The following DAB2IP variants were observed in gnomAD, a reference collection of about 807,000 sequenced individuals.
The protein encoded by DAB2IP is DAB2 interacting protein, also known as disabled homolog 2-interacting protein.
In DAB2IP, 28 loss-of-function variants were observed where a neutral mutation model predicts 107.2. That is an observed-to-expected ratio of 0.26 (90% CI 0.19 to 0.36). The LOEUF (loss-of-function observed/expected upper bound fraction) is 0.36. Ranked by LOEUF, DAB2IP falls within the 10% of genes least tolerant of loss-of-function variation. The pLI, the probability that DAB2IP is intolerant of heterozygous loss-of-function variation, is 1.00. For missense variants in DAB2IP, 1,400 were observed against 1,644.7 expected (o/e 0.85, Z 2.57); for synonymous variants, 755 against 706.4 (o/e 1.07, Z -1.09).
chr9:121,766,539 G>A (rs1332758766), exon 9 of DAB2IP: 2 of 1,612,138 alleles, frequency 1.2e-6, no homozygotes, highest in African/African-American at 1.3e-5. Flanking sequence ...CGTGGAGGCA[G>A]GAGTGCAGCA....
intron 1 of DAB2IP, among the ~76,000 whole-genome samples, chr9:121,611,225 C>T (rs1445697608): frequency 6.6e-6 from 1 of 152,218 alleles, no homozygotes; most frequent in Non-Finnish European, 1.5e-5. Context: ...CTGGCTGCCT[C>T]AGCCTCCCAA....
chr9:121,784,562 C>T (rs1835874056), exon 16 of DAB2IP: 1 of 153,678 alleles, frequency 6.5e-6, no homozygotes, highest in Admixed American at 6.6e-5. Context: ...TGTACAGACT[C>T]TTCACAGATT....
At chr9:121,706,747 C>T (rs376763983) in intron 3 of DAB2IP, among the ~76,000 whole-genome samples, 4 of 152,202 alleles carry the variant, frequency 2.6e-5, no homozygotes, top group Admixed American at 6.5e-5. Flanking sequence ...AGATAGAGGT[C>T]GTCTCTGTCC....
rs149561613 is a variant in DAB2IP, at chr9:121,664,043, C to A, written c.124+12144C>A. ...TAAAAATACAAATACGTGGCACAGT[C>A]ATTATCTCTCTTAGATCTGTTTCTC... On this transcript the variant is annotated intron_variant, in intron 1 of 15. Transcript: ENST00000408936. 3.1e-4 allele frequency among the ~76,000 whole-genome samples: 47 copies of A among 152,348 alleles called. No individual in the cohort carries two copies. In the East Asian group the frequency reaches 8.9e-3, roughly 29 times the overall value.
intron 1 of DAB2IP, among the ~76,000 whole-genome samples, chr9:121,654,434 T>TTTTG (rs201949718): frequency 1.4e-4 from 22 of 152,032 alleles, no homozygotes; most frequent in East Asian, 7.7e-4. Context: ...TCAATATTGT[T>TTTTG]TTTGTTTGTT....
intron 1 of DAB2IP, among the ~76,000 whole-genome samples, chr9:121,619,228 C>T (rs575583888): frequency 6.6e-6 from 1 of 152,216 alleles, no homozygotes; most frequent in East Asian, 1.9e-4. Context: ...CTCACTGCAA[C>T]CTCTGTCTCC....
At chr9:121,714,497 C>T (rs550409979) in intron 3 of DAB2IP, among the ~76,000 whole-genome samples, 54 of 152,258 alleles carry the variant, frequency 3.5e-4, no homozygotes, top group African/African-American at 5.8e-4. Flanking sequence ...CCTTTTAGGG[C>T]GGGGCACCGA....
At chr9:121,767,621 G>A (rs1407736850) in intron 9 of DAB2IP, among the ~76,000 whole-genome samples, 2 of 152,230 alleles carry the variant, frequency 1.3e-5, no homozygotes, top group African/African-American at 4.8e-5. Context: ...GCCAGACAGG[G>A]CTGTGGGAGC....
chr9:121,690,484 G>T (rs1829109503), intron 2 of DAB2IP, among the ~76,000 whole-genome samples: 1 of 152,190 alleles, frequency 6.6e-6, no homozygotes, highest in Non-Finnish European at 1.5e-5. Context: ...GGTGTTTGTA[G>T]CCATCCAGAC....
At chr9:121,588,242 T>G (rs1371137709) in intron 1 of DAB2IP, among the ~76,000 whole-genome samples, 1 of 152,030 alleles carries the variant, frequency 6.6e-6, no homozygotes, top group East Asian at 1.9e-4. Context: ...CCAAGTTGCT[T>G]CCAACTTCTG....
chr9:121,597,665 A>G (rs1245877320), intron 1 of DAB2IP, among the ~76,000 whole-genome samples: 1 of 152,276 alleles, frequency 6.6e-6, no homozygotes, highest in African/African-American at 2.4e-5. Flanking sequence ...CTTGCATACT[A>G]TCTCTTGGAG....
intron 3 of DAB2IP, among the ~76,000 whole-genome samples, chr9:121,754,248 G>T (rs1833323598): frequency 6.6e-6 from 1 of 152,218 alleles, no homozygotes; most frequent in African/African-American, 2.4e-5. Flanking sequence ...GGGCCCAGAT[G>T]AGGGAGGGAC....
chr9:121,670,745 A>G (rs891479236), intron 1 of DAB2IP, among the ~76,000 whole-genome samples: 2 of 152,184 alleles, frequency 1.3e-5, no homozygotes, highest in Non-Finnish European at 2.9e-5. Context: ...GGCCGGGCAC[A>G]GTGGGTCACG....
intron 1 of DAB2IP, among the ~76,000 whole-genome samples, chr9:121,624,647 T>C (rs558749442): frequency 6.6e-6 from 1 of 152,338 alleles, no homozygotes; most frequent in South Asian, 2.1e-4. Flanking sequence ...CTGTACAGGC[T>C]TGTATCCTGG....
intron 1 of DAB2IP, among the ~76,000 whole-genome samples, chr9:121,591,423 C>T (rs547916240): frequency 6.6e-6 from 1 of 152,260 alleles, no homozygotes; most frequent in Non-Finnish European, 1.5e-5. Context: ...GAGCCGAGAT[C>T]GTGCCACTGC....
In DAB2IP at chr9:121,599,096, G is replaced by A. The variant is rs1241874076; in HGVS notation, c.40+31868G>A. 2.6e-5 allele frequency among the ~76,000 whole-genome samples: 4 copies of A among 152,128 alleles called. No individual in the cohort carries two copies. The highest frequency in any genetic ancestry group is 4.4e-5 in the Non-Finnish European group (3 of 68,018). On this transcript the variant is annotated intron_variant, in intron 1 of 16. Transcript: ENST00000259371. This position sits in a 1 kb window ranked among gnomAD's most constrained non-coding sequence, Gnocchi z 6.9. ...CTGAGGTTGGAGATCCACGCAGGGC[G>A]CACATAAAAGTTTAAGGGGTCAGCG...
chr9:121,578,400 C>T (rs1417950222), intron 1 of DAB2IP, among the ~76,000 whole-genome samples: 1 of 152,062 alleles, frequency 6.6e-6, no homozygotes, highest in African/African-American at 2.4e-5. Flanking sequence ...GCAAAGCTCC[C>T]CTTCCCCAGC....
At chr9:121,715,721 G>A (rs959385826) in intron 3 of DAB2IP, among the ~76,000 whole-genome samples, 1 of 152,174 alleles carries the variant, frequency 6.6e-6, no homozygotes, top group African/African-American at 2.4e-5. Flanking sequence ...AAAAGGCTCT[G>A]TAAATAACAC....
chr9:121,637,958 G>T (rs534903638), intron 1 of DAB2IP, among the ~76,000 whole-genome samples: 2 of 152,266 alleles, frequency 1.3e-5, no homozygotes, highest in African/African-American at 4.8e-5. Context: ...CCAGGGGTCC[G>T]AGGGGCTCTG....
Sources: allele counts gnomAD v4.1 joint callset (sites outside exome capture counted in the v4.1 genomes callset), GRCh38; gene constraint gnomAD v4.1.1; non-coding constraint Gnocchi (gnomAD v3.1); transcripts MANE v1.5; gene names NCBI Gene and HGNC (gene_info 2026-07-23, HGNC 2026-07-21).